RPS3: variants seen among roughly 807,000 people sequenced by gnomAD.
The protein encoded by RPS3 is ribosomal protein S3.
Under a neutral mutation model 25.8 loss-of-function variants are expected in RPS3, and 2 were observed. The observed-to-expected ratio is 0.08, with a 90% CI of 0.03 to 0.24. The LOEUF (loss-of-function observed/expected upper bound fraction) is 0.24, where lower values mean the gene tolerates loss of function less well. RPS3 is among the 10% of genes least tolerant of loss of function. The pLI is 1.00. For missense variants in RPS3, 107 were observed against 307.1 expected (o/e 0.35, Z 4.87); for synonymous variants, 114 against 114.2 (o/e 1.00, Z 0.01).
intron 4 of RPS3, 114 bp from the exon 5 acceptor site, chr11:75,403,906 T>C: frequency 1.0e-6 from 1 of 979,356 alleles, no homozygotes; most frequent in Non-Finnish European, 1.5e-6. Context: ...GGCCGGACTC[T>C]GGTCAAATTA....
At chr11:75,407,501 T>G (rs1322692119), downstream of RPS3, among the ~76,000 whole-genome samples, 1 of 152,106 alleles carries the variant, frequency 6.6e-6, no homozygotes, top group Non-Finnish European at 1.5e-5. Context: ...AGACGGAGTC[T>G]CGCTCTGTCA....
rs17881509 is a variant in RPS3 at position 75,402,231 on chromosome 11, C to T, written c.256-121C>T. 11,839 of 1,454,376 alleles carry T rather than the reference C, an allele frequency of 8.1e-3. 50 individuals are homozygous for T. Among genetic ancestry groups the T allele is most frequent in the Middle Eastern group, 0.01 (58 of 5,626 alleles). The allele number at this position is 1,454,376 out of a possible 1,614,324, so 90.1% of individuals were successfully genotyped here. A position where few individuals can be genotyped will look rare whatever the true frequency, so the allele number is the denominator to read the frequency against. ...TCAAAGCCATCTCCTGGGCAGCATG[C>T]GGCCCGTGGGTTGGGCAAGCTTGGT... On this transcript the variant is annotated intron_variant, in intron 3 of 6. Transcript: ENST00000531188.
At position 75,404,831 on chromosome 11, in the gene RPS3, C is replaced by A. The variant is rs73006114; in HGVS notation, c.698C>A (p.Pro233Gln). 1.9e-3 allele frequency: 3,137 copies of A among 1,612,816 alleles called. 8 individuals are homozygous for A. Among genetic ancestry groups the A allele is most frequent in the Admixed American group, 2.7e-3 (163 of 59,898 alleles). Reference protein sequence around the residue: ...ISEQKGGKPEPPAMPQPVPTA With the variant: ...ISEQKGGKPEQPAMPQPVPTA ...GAACAGAAGGGTGGGAAGCCAGAGC[C>A]GCCTGCCATGCCCCAGCCAGTCCCC... Residue 233 changes from proline to glutamine, a missense_variant, in exon 6 of 7, where the codon CCG becomes CAG. Physicochemically the swap from Pro to Gln is moderately conservative, Grantham distance 76. Around this residue, in one of 2 missense-constraint regions of RPS3, gnomAD observed 81 missense variants for 286.8 expected, o/e 0.28. Coordinates refer to ENST00000531188, the MANE Select transcript of RPS3 (RefSeq NM_001005.5). The surrounding 1 kb of genome is among the most constrained non-coding windows in gnomAD (Gnocchi z 4.6).
rs1411914746 is a variant in RPS3, at chr11:75,406,222, CTG to C, written c.*615_*616del. 2.4e-4 allele frequency: 37 copies of C among 152,240 alleles called. No homozygotes were observed. Among genetic ancestry groups the C allele is most frequent in the African/African-American group, 8.7e-4 (36 of 41,470 alleles). The allele number at this position is 152,240 out of a possible 1,614,324, so 9.4% of individuals were successfully genotyped here. ...CTACAGGCTATTATGTTCTGGAGAA[CTG>C]TGAAGAACATTTAAATTGTCTCTGA... is the stretch of plus-strand genomic sequence containing the variant. On this transcript the variant is annotated 3_prime_UTR_variant, in exon 7 of 7. Transcript: ENST00000531188.
chr11:75,420,463 G>T (rs558203248), intron 6 of RPS3, among the ~76,000 whole-genome samples: 1 of 152,334 alleles, frequency 6.6e-6, no homozygotes, highest in South Asian at 2.1e-4. Context: ...AGCAGAGCCT[G>T]GGGGAGGCAG....
downstream of RPS3, among the ~76,000 whole-genome samples, chr11:75,407,585 C>T (rs1043329080): frequency 6.6e-6 from 1 of 152,236 alleles, no homozygotes; most frequent in African/African-American, 2.4e-5. Context: ...CATCCTACCT[C>T]AGCCTCCCGA....
chr11:75,403,460 C>T (rs1046477765), intron 4 of RPS3: 1 of 152,438 alleles, frequency 6.6e-6, no homozygotes, highest in African/African-American at 2.4e-5. Flanking sequence ...CAGTTAGTAT[C>T]TCGCAGAGCG....
intron 2 of RPS3, 96 bp from the exon 3 acceptor site, chr11:75,401,544 C>T: frequency 3.5e-6 from 3 of 868,602 alleles, no homozygotes; most frequent in South Asian, 1.5e-5. Context: ...AAATTATATG[C>T]TTTGTGGCAG....
At chr11:75,402,224 C>A in intron 3 of RPS3, 128 bp from the exon 4 acceptor site, 1 of 1,394,754 alleles carries the variant, frequency 7.2e-7, no homozygotes, top group South Asian at 1.2e-5. Context: ...ATCTCCTGGG[C>A]AGCATGCGGC....
chr11:75,417,131 T>C (rs893510870), intron 6 of RPS3, among the ~76,000 whole-genome samples: 2 of 152,212 alleles, frequency 1.3e-5, no homozygotes, highest in African/African-American at 4.8e-5. Context: ...ACAAGTTTAA[T>C]CCATACAGTA....
At chr11:75,412,755 T>A (rs1313476488) in intron 6 of RPS3, among the ~76,000 whole-genome samples, 2 of 152,222 alleles carry the variant, frequency 1.3e-5, no homozygotes, top group African/African-American at 4.8e-5. Context: ...AAGATGATAC[T>A]AATCTATGTG....
chr11:75,413,478 T>A (rs759905228), intron 6 of RPS3, among the ~76,000 whole-genome samples: 2 of 151,954 alleles, frequency 1.3e-5, no homozygotes, highest in Admixed American at 6.6e-5. Flanking sequence ...GGATGGTCTC[T>A]ATCTCCTGAC....
Position 75,406,207 on chromosome 11 carries a change from T to A in RPS3, c.*597T>A, listed in dbSNP as rs1948285985. ...AACCAGTCATTGGTACTACAGGCTA[T>A]TATGTTCTGGAGAACTGTGAAGAAC... is the stretch of plus-strand genomic sequence containing the variant. On this transcript the variant is annotated 3_prime_UTR_variant, in exon 7 of 7. Coordinates refer to ENST00000531188, the MANE Select transcript of RPS3 (RefSeq NM_001005.5). 1 of 152,280 alleles carries A rather than the reference T, an allele frequency of 6.6e-6. No individual in the cohort carries two copies. Among genetic ancestry groups the A allele is most frequent in the Non-Finnish European group, 1.5e-5 (1 of 68,076 alleles). 9.4% of individuals were successfully genotyped at this position (152,280 alleles called of 1,614,324 possible).
intron 6 of RPS3, among the ~76,000 whole-genome samples, chr11:75,416,942 T>C (rs538319804): frequency 6.6e-6 from 1 of 152,362 alleles, no homozygotes; most frequent in East Asian, 1.9e-4. Context: ...CAAACCATTC[T>C]CTTTTTTTCC....
In RPS3 at chr11:75,404,844, C is replaced by G; in HGVS notation, c.711C>G (p.Pro237=). The change falls in exon 6 of 7, where the codon CCC becomes CCG. Residue 237 remains proline (P), a synonymous_variant. Transcript: ENST00000531188. This position sits in a 1 kb window ranked among gnomAD's most constrained non-coding sequence, Gnocchi z 4.6. Reference sequence around the variant, plus strand: ...GGAAGCCAGAGCCGCCTGCCATGCCCCAGCCAGTCCCCACAGCATAACAGG... The same window carrying G: ...GGAAGCCAGAGCCGCCTGCCATGCCGCAGCCAGTCCCCACAGCATAACAGG... The part of the protein sequence containing the change: ...KGGKPEPPAM[P]QPVPTA The G allele has an allele frequency of 1.2e-6, 2 of 1,612,800 alleles. No homozygotes were observed. The highest frequency in any genetic ancestry group is 1.7e-6 in the Non-Finnish European group (2 of 1,179,174).
chr11:75,400,094 A>G (rs937700149), intron 1 of RPS3, among the ~76,000 whole-genome samples: 1 of 152,204 alleles, frequency 6.6e-6, no homozygotes, highest in African/African-American at 2.4e-5. Flanking sequence ...CTGTGTAAAA[A>G]TCATTAGCTT....
At chr11:75,400,422 T>C (rs1318539530) in intron 1 of RPS3, 1 of 560,612 alleles carries the variant, frequency 1.8e-6, no homozygotes, top group African/African-American at 1.9e-5. Context: ...GAGTCTGACT[T>C]GGGGATGTTC....
chr11:75,420,732 A>G (rs1343570906), intron 6 of RPS3, among the ~76,000 whole-genome samples: 1 of 151,990 alleles, frequency 6.6e-6, no homozygotes, highest in Non-Finnish European at 1.5e-5. Context: ...GGGGAATCCT[A>G]TGGGTGTGTC....
rs1948290533 is a variant in RPS3 at position 75,406,554 on chromosome 11, T to C, written c.*944T>C. ...GAGCTGCACATGGTGTTTATATTGC[T>C]TGGCACATGGTAAGGGCTTAATATT... On this transcript the variant is annotated 3_prime_UTR_variant, in exon 7 of 7. Coordinates refer to ENST00000531188, the MANE Select transcript of RPS3 (RefSeq NM_001005.5). The C allele has an allele frequency of 6.6e-6, 1 of 152,228 alleles. No individual in the cohort carries two copies. The highest frequency in any genetic ancestry group is 2.1e-4 in the South Asian group (1 of 4,834). The allele number at this position is 152,228 out of a possible 1,614,324, so 9.4% of individuals were successfully genotyped here. A position where few individuals can be genotyped will look rare whatever the true frequency, so the allele number is the denominator to read the frequency against.
Sources: gnomAD v4.1 joint callset for allele counts (sites outside exome capture counted in the v4.1 genomes callset) on GRCh38, gnomAD v4.1.1 for gene constraint, gnomAD v4.1.1 regional missense constraint, Gnocchi (gnomAD v3.1) non-coding constraint, MANE v1.5 for transcripts, NCBI Gene and HGNC (gene_info 2026-07-23, HGNC 2026-07-21) for gene names.